Variants in CAMKK1 observed in about 807,000 individuals in gnomAD.
The protein encoded by CAMKK1 is calcium/calmodulin dependent protein kinase kinase 1.
Under a neutral mutation model 63.5 loss-of-function variants are expected in CAMKK1, and 20 were observed. The observed-to-expected ratio is 0.32, with a 90% CI of 0.22 to 0.46. The LOEUF (loss-of-function observed/expected upper bound fraction) is 0.46, where lower values mean the gene tolerates loss of function less well. Among genes scored for constraint, CAMKK1 ranks in the 20% least tolerant of loss-of-function variants. The probability of loss-of-function intolerance (pLI) is 1.00; values close to 1 mark genes in which losing one functional copy is unlikely to be tolerated. For missense variants in CAMKK1, 588 were observed against 658.1 expected, an observed-to-expected ratio of 0.89 and a Z score of 1.17; for synonymous variants, 253 against 269.0, an observed-to-expected ratio of 0.94 and a Z score of 0.58.
intron 14 of CAMKK1, among the ~76,000 whole-genome samples, chr17:3,868,689 G>A (rs2054685390): frequency 6.6e-6 from 1 of 151,766 alleles, no homozygotes; most frequent in African/African-American, 2.4e-5. Flanking sequence ...GTCTCGTTCT[G>A]TCAACCAGGC....
intron 10 of CAMKK1, among the ~76,000 whole-genome samples, chr17:3,875,425 G>A (rs1597464838): frequency 6.6e-6 from 1 of 152,070 alleles, no homozygotes; most frequent in East Asian, 1.9e-4. Flanking sequence ...GGGACTACAG[G>A]TGTGCACTAC....
At chr17:3,871,643 G>A (rs34888922) in intron 12 of CAMKK1, among the ~76,000 whole-genome samples, 41,633 of 145,028 alleles carry the variant, frequency 0.29, 6,810 homozygotes, top group Non-Finnish European at 0.35. Flanking sequence ...GGTGTGAGCC[G>A]CCGCACCCGG....
chr17:3,891,742 A>G (rs1369537733), intron 1 of CAMKK1, among the ~76,000 whole-genome samples: 1 of 152,158 alleles, frequency 6.6e-6, no homozygotes. Flanking sequence ...GCAGGATTTC[A>G]GGATGAGGCG....
chr17:3,866,113 C>T (rs2532946), intron 14 of CAMKK1, 102 bp from the exon 15 acceptor site: 484,465 of 1,390,706 alleles, frequency 0.35, 84,912 homozygotes, highest in African/African-American at 0.43. Flanking sequence ...GGCCGCAGTG[C>T]GGGTCCCATC....
At position 3,889,327 on chromosome 17, in the gene CAMKK1, C is replaced by T. The variant is rs11657162; in HGVS notation, c.-43-3597G>A. Reference sequence around the variant, plus strand: ...CAAACAGAAAGATGGACAGACAGGCCGGGAACCAGGCCCATGGTACAGCGA... The same window carrying T: ...CAAACAGAAAGATGGACAGACAGGCTGGGAACCAGGCCCATGGTACAGCGA... On this transcript the variant is annotated intron_variant, in intron 1 of 15. Coordinates refer to ENST00000348335, the MANE Select transcript of CAMKK1 (RefSeq NM_032294.3). The surrounding 1 kb of genome is among the most constrained non-coding windows in gnomAD (Gnocchi z 5.2). Among the ~76,000 whole-genome samples the T allele has an allele frequency of 0.21, 31,786 of 151,990 alleles. 4,044 individuals carry two copies. The highest frequency in any genetic ancestry group is 0.28 in the Non-Finnish European group (19,121 of 67,930).
rs758147030 is a variant in CAMKK1, at chr17:3,883,428, C to T, written c.514+1G>A. 4 of 1,613,208 alleles carry T rather than the reference C, an allele frequency of 2.5e-6. No individual in the cohort carries two copies. Among genetic ancestry groups the T allele is most frequent in the South Asian group, 2.2e-5 (2 of 91,074 alleles). ...CAGGGACAGGATCAGAAGATACATACGTGGAAAGCCATACTGCTTCAGTAA... is the reference window on the plus strand; with the variant it reads ...CAGGGACAGGATCAGAAGATACATATGTGGAAAGCCATACTGCTTCAGTAA... On this transcript the variant is annotated splice_donor_variant, in intron 5 of 15. Transcript: ENST00000348335. LOFTEE classifies it high-confidence loss of function. This position sits in a 1 kb window ranked among gnomAD's most constrained non-coding sequence, Gnocchi z 4.7.
chr17:3,876,569 C>T, intron 9 of CAMKK1, 147 bp from the exon 10 acceptor site: 1 of 660,042 alleles, frequency 1.5e-6, no homozygotes, highest in Non-Finnish European at 2.6e-6. Context: ...AGGAGGACGT[C>T]AGGGCCATCT....
chr17:3,875,392 C>T (rs1567623417), intron 10 of CAMKK1, among the ~76,000 whole-genome samples: 1 of 152,148 alleles, frequency 6.6e-6, no homozygotes, highest in African/African-American at 2.4e-5. Flanking sequence ...AGCGATCCTC[C>T]CACCTCGGCC....
At chr17:3,872,803 G>T (rs1359693483) in intron 11 of CAMKK1, among the ~76,000 whole-genome samples, 176 bp from the exon 12 acceptor site, 1 of 152,202 alleles carries the variant, frequency 6.6e-6, no homozygotes, top group African/African-American at 2.4e-5. Flanking sequence ...GAATGAATGA[G>T]TTGCTGAGGG....
intron 12 of CAMKK1, 116 bp downstream of exon 12, chr17:3,872,438 C>T (rs1216817220): frequency 6.1e-6 from 5 of 824,354 alleles, no homozygotes; most frequent in Non-Finnish European, 1.0e-5. Context: ...GGGAACAGCA[C>T]CGCCACCTTC....
Position 3,883,807 on chromosome 17 carries a change from A to C in CAMKK1, c.462+77T>G. 1 of 1,461,236 alleles carries C rather than the reference A, an allele frequency of 6.8e-7. No homozygotes were observed. The highest frequency in any genetic ancestry group is 9.6e-7 in the Non-Finnish European group (1 of 1,043,972). The allele number at this position is 1,461,236 out of a possible 1,614,324, so 90.5% of individuals were successfully genotyped here. ...CAGGCAGCCCTGTCCTCTATCTCCT[A>C]AGCACAACTCCTGCCCCACCCCTCA... is the stretch of plus-strand genomic sequence containing the variant. On this transcript the variant is annotated intron_variant, in intron 4 of 15. Transcript: ENST00000348335. The surrounding 1 kb of genome is among the most constrained non-coding windows in gnomAD (Gnocchi z 4.7).
At position 3,890,017 on chromosome 17, in the gene CAMKK1, G is replaced by A. The variant is rs1043135947; in HGVS notation, c.-44+2922C>T. Among the ~76,000 whole-genome samples the A allele has an allele frequency of 2.0e-5, 3 of 152,240 alleles. No homozygotes were observed. The highest frequency in any genetic ancestry group is 2.9e-5 in the Non-Finnish European group (2 of 68,034). ...GGCAGGGGACCAGCTACATCCAGGC[G>A]AGGGGATGGACAGCCGTGACCAGCA... is the stretch of plus-strand genomic sequence containing the variant. On this transcript the variant is annotated intron_variant, in intron 1 of 15. Transcript: ENST00000348335. The surrounding 1 kb of genome is among the most constrained non-coding windows in gnomAD (Gnocchi z 6.5).
chr17:3,878,199 C>T (rs192409706), intron 9 of CAMKK1, among the ~76,000 whole-genome samples: 5 of 152,110 alleles, frequency 3.3e-5, no homozygotes, highest in Admixed American at 1.3e-4. Flanking sequence ...AGGCCTGGGC[C>T]ACCCTGACCA....
intron 14 of CAMKK1, among the ~76,000 whole-genome samples, chr17:3,868,466 C>A (rs185920774): frequency 7.0e-6 from 1 of 143,372 alleles, no homozygotes; most frequent in African/African-American, 2.5e-5. Flanking sequence ...GAGACGCAGG[C>A]GCCGCCTAAC....
At position 3,882,549 on chromosome 17, in the gene CAMKK1, C is replaced by A. The variant is rs144687124; in HGVS notation, c.664G>T (p.Ala222Ser). 1 of 1,594,500 alleles carries A rather than the reference C, an allele frequency of 6.3e-7. No individual in the cohort carries two copies. The highest frequency in any genetic ancestry group is 8.5e-7 in the Non-Finnish European group (1 of 1,170,040). The change falls in exon 7 of 16, where the codon GCT becomes TCT. Residue 222 changes from alanine to serine, a missense_variant. Physicochemically the swap from Ala to Ser is moderately conservative, Grantham distance 99. Coordinates refer to ENST00000348335, the MANE Select transcript of CAMKK1 (RefSeq NM_032294.3). The surrounding 1 kb of genome is among the most constrained non-coding windows in gnomAD (Gnocchi z 4.3). Reference protein sequence around the residue: ...VKLIEVLDDPAEDNLYLVFDL... With the variant: ...VKLIEVLDDPSEDNLYLVFDL... ...TCACCCAAATAGAGGTTGTCCTCAG[C>A]TGGGTCATCCAGGACCTGGTCAGAG...
Position 3,882,133 on chromosome 17 carries a change from T to C in CAMKK1, c.685+395A>G. 3.1e-6 allele frequency: 2 copies of C among 643,128 alleles called. No individual in the cohort carries two copies. Among genetic ancestry groups the C allele is most frequent in the Middle Eastern group, 4.1e-4 (1 of 2,460 alleles). 39.8% of individuals were successfully genotyped at this position (643,128 alleles called of 1,614,324 possible). On this transcript the variant is annotated intron_variant, in intron 7 of 15. Coordinates refer to ENST00000348335, the MANE Select transcript of CAMKK1 (RefSeq NM_032294.3). This position sits in a 1 kb window ranked among gnomAD's most constrained non-coding sequence, Gnocchi z 4.3. Reference sequence around the variant, plus strand: ...ACGAATGTGCTTTACATATAATTACTCATTTACTCTTCACAGGAACCCTAT... The same window carrying C: ...ACGAATGTGCTTTACATATAATTACCCATTTACTCTTCACAGGAACCCTAT...
At position 3,883,403 on chromosome 17, in the gene CAMKK1, C is replaced by T. The variant is rs374470321; in HGVS notation, c.514+26G>A. ...CCTCTGCCTCCAGGCTAGGAGCTCC[C>T]AGGGACAGGATCAGAAGATACATAC... On this transcript the variant is annotated intron_variant, in intron 5 of 15. Coordinates refer to ENST00000348335, the MANE Select transcript of CAMKK1 (RefSeq NM_032294.3). This position sits in a 1 kb window ranked among gnomAD's most constrained non-coding sequence, Gnocchi z 4.7. 1.2e-6 allele frequency: 2 copies of T among 1,610,298 alleles called. No homozygotes were observed. The highest frequency in any genetic ancestry group is 2.2e-5 in the South Asian group (2 of 91,004).
chr17:3,876,536 C>G (rs1377666421), intron 9 of CAMKK1, 114 bp from the exon 10 acceptor site: 2 of 890,206 alleles, frequency 2.2e-6, no homozygotes, highest in Non-Finnish European at 3.5e-6. Flanking sequence ...CCCATGCACA[C>G]TTTCGTCTGG....
intron 9 of CAMKK1, 23 bp from the exon 10 acceptor site, chr17:3,876,445 C>T (rs779254375): frequency 2.5e-5 from 41 of 1,608,306 alleles, no homozygotes; most frequent in Non-Finnish European, 3.1e-5. Context: ...GGAGCTTGAG[C>T]TGAGCGCTGG....
Sources: allele counts gnomAD v4.1 joint callset (sites outside exome capture counted in the v4.1 genomes callset), GRCh38; gene constraint gnomAD v4.1.1; non-coding constraint Gnocchi (gnomAD v3.1); transcripts MANE v1.5; gene names NCBI Gene and HGNC (gene_info 2026-07-23, HGNC 2026-07-21).